The following GLB1L3 variants were observed in gnomAD, a reference collection of about 807,000 sequenced individuals.
The protein encoded by GLB1L3 is beta-galactosidase-1-like protein 3.
GLB1L3 carries 89 observed loss-of-function variants against 89.5 expected under a neutral mutation model. The ratio of observed to expected loss-of-function variants is 0.99; its 90% CI spans 0.84 to 1.19. GLB1L3 has a LOEUF of 1.19. Ranked by LOEUF, GLB1L3 falls within the 50% of genes most tolerant of loss-of-function variation. The probability of loss-of-function intolerance (pLI) is 0.00; values close to 1 mark genes in which losing one functional copy is unlikely to be tolerated. For missense variants in GLB1L3, 812 were observed against 813.3 expected (o/e 1.00, Z 0.02); for synonymous variants, 314 against 312.3 (o/e 1.01, Z -0.06).
upstream of GLB1L3, chr11:134,276,229 A>G (rs113887517): frequency 7.6e-3 from 1,157 of 152,736 alleles, 19 homozygotes; most frequent in Non-Finnish European, 6.9e-3. Flanking sequence ...TCGGGGAGCT[A>G]GAGTTCTCCG....
rs575850564 is a variant in GLB1L3 at position 134,295,992 on chromosome 11, T to C, written c.876+2783T>C. ...CAAGAACATACTTGTATAATTTCTG[T>C]TCTTTTACATTTGTTAAGGTTTGTT... is the stretch of plus-strand genomic sequence containing the variant. On this transcript the variant is annotated intron_variant, in intron 9 of 19. Coordinates refer to ENST00000431683, the MANE Select transcript of GLB1L3 (RefSeq NM_001080407.3). 1.2e-4 allele frequency among the ~76,000 whole-genome samples: 19 copies of C among 152,364 alleles called. No homozygotes were observed. The South Asian group carries it at 3.5e-3, about 28-fold the overall frequency.
chr11:134,312,550 C>T, intron 14 of GLB1L3, 61 bp downstream of exon 14: 1 of 1,580,856 alleles, frequency 6.3e-7, no homozygotes, highest in Non-Finnish European at 8.6e-7. Flanking sequence ...TGCTGTCGGG[C>T]AGGGTAGTTG....
intron 10 of GLB1L3, among the ~76,000 whole-genome samples, chr11:134,308,655 TCAC>T (rs1186746011): frequency 3.8e-5 from 4 of 105,582 alleles, no homozygotes; most frequent in East Asian, 3.2e-4. Context: ...ACCACCATCA[TCAC>T]CACCACCACC....
chr11:134,323,424 C>A (rs1002536356), downstream of GLB1L3, among the ~76,000 whole-genome samples: 1 of 141,282 alleles, frequency 7.1e-6, no homozygotes, highest in Admixed American at 7.1e-5. Context: ...CACACACACA[C>A]AATTAGTCGG....
intron 6 of GLB1L3, among the ~76,000 whole-genome samples, chr11:134,285,766 T>C (rs1485021157): frequency 6.6e-6 from 1 of 152,146 alleles, no homozygotes; most frequent in African/African-American, 2.4e-5. Context: ...AGCAAGACCT[T>C]GTCTCAAAAA....
intron 9 of GLB1L3, among the ~76,000 whole-genome samples, chr11:134,298,906 T>G (rs186741190): frequency 1.2e-4 from 18 of 152,310 alleles, no homozygotes; most frequent in African/African-American, 4.1e-4. Context: ...TATTAGATAT[T>G]TTCTCTGCTC....
At chr11:134,292,568 G>T in intron 8 of GLB1L3, 1 of 221,584 alleles carries the variant, frequency 4.5e-6, no homozygotes. Flanking sequence ...GGAAACCACA[G>T]GGAGAACCAG....
chr11:134,313,991 A>C lies in GLB1L3; in HGVS notation c.1630A>C (p.Ile544Leu), dbSNP rs747111824. The C allele has an allele frequency of 6.2e-7, 1 of 1,612,846 alleles. No homozygotes were observed. ...INNSSLEGFT[I>L]YSLEMKMSFF... ...TAACTCTTCCCTGGAGGGCTTTACC[A>C]TCTATTCCCTGGAGATGAAAATGAG... is the stretch of plus-strand genomic sequence containing the variant. The change falls in exon 17 of 20, where the codon ATC (isoleucine) becomes CTC (leucine). Residue 544 changes from isoleucine to leucine, a missense_variant. Physicochemically the swap from Ile to Leu is conservative, Grantham distance 5. Transcript: ENST00000431683.
At chr11:134,294,266 C>T (rs1273444219) in intron 9 of GLB1L3, among the ~76,000 whole-genome samples, 11 of 152,128 alleles carry the variant, frequency 7.2e-5, no homozygotes, top group Non-Finnish European at 1.5e-5. Flanking sequence ...TGGGGTTTCA[C>T]CACGTTGGCC....
At chr11:134,320,737 A>G (rs1943155638), downstream of GLB1L3, among the ~76,000 whole-genome samples, 1 of 134,184 alleles carries the variant, frequency 7.5e-6, no homozygotes, top group African/African-American at 3.0e-5. Context: ...TACAAGAAAA[A>G]CAAAAAAAAA....
chr11:134,277,622 G>C, intron 2 of GLB1L3, 78 bp from the exon 3 acceptor site: 1 of 1,530,316 alleles, frequency 6.5e-7, no homozygotes, highest in Admixed American at 1.9e-5. Context: ...TTTTCGCTAG[G>C]GTTTCAGCCG....
chr11:134,291,490 C>T (rs1941356452), intron 7 of GLB1L3, among the ~76,000 whole-genome samples: 1 of 152,160 alleles, frequency 6.6e-6, no homozygotes, highest in South Asian at 2.1e-4. Context: ...AAATGATCTG[C>T]CTGCCTTGAC....
At chr11:134,278,235 C>A (rs1393403408) in intron 3 of GLB1L3, among the ~76,000 whole-genome samples, 1 of 152,000 alleles carries the variant, frequency 6.6e-6, no homozygotes, top group African/African-American at 2.4e-5. Context: ...GGCACACTTA[C>A]AGATAAATAT....
intron 18 of GLB1L3, among the ~76,000 whole-genome samples, chr11:134,316,326 C>T (rs1472945295): frequency 6.6e-6 from 1 of 151,778 alleles, no homozygotes; most frequent in Non-Finnish European, 1.5e-5. Flanking sequence ...TATTTCATAT[C>T]AGTGCATTAT....
chr11:134,305,017 T>C (rs1942125968), intron 9 of GLB1L3: 3 of 1,370,832 alleles, frequency 2.2e-6, no homozygotes, highest in Admixed American at 4.4e-5. Flanking sequence ...CAATGTATCT[T>C]AGTGGCATAA....
intron 6 of GLB1L3, among the ~76,000 whole-genome samples, chr11:134,284,346 T>C (rs909498715): frequency 2.0e-5 from 3 of 151,812 alleles, no homozygotes; most frequent in Admixed American, 6.5e-5. Flanking sequence ...ATTTTTCTTT[T>C]GTTACTTGAA....
In GLB1L3 at chr11:134,311,047, C is replaced by T. The variant is rs750123547; in HGVS notation, c.1181-17C>T. The T allele has an allele frequency of 1.1e-5, 18 of 1,599,804 alleles. No individual in the cohort carries two copies. Among genetic ancestry groups the T allele is most frequent in the Middle Eastern group, 1.7e-4 (1 of 6,038 alleles). ...CATCTCAGGCACTTTTTGCCCTGTG[C>T]CCCATCTCCATTGCAGCAACTCCCC... On this transcript the variant is annotated splice_polypyrimidine_tract_variant and intron_variant, in intron 12 of 19. Transcript: ENST00000431683.
chr11:134,296,688 G>C (rs1941661430), intron 9 of GLB1L3, among the ~76,000 whole-genome samples: 1 of 113,842 alleles, frequency 8.8e-6, no homozygotes, highest in African/African-American at 3.5e-5. Context: ...TCTGGGGACT[G>C]TTGTGGGGTG....
chr11:134,308,407 CCACCACCACCATCAT>C (rs1942435787), intron 10 of GLB1L3, among the ~76,000 whole-genome samples: 4 of 78,148 alleles, frequency 5.1e-5, no homozygotes, highest in Non-Finnish European at 7.7e-5. Context: ...ATCACCATCA[CCACCACCACCATCAT>C]CACCATCACC....
Sources: allele counts gnomAD v4.1 joint callset (sites outside exome capture counted in the v4.1 genomes callset), GRCh38; gene constraint gnomAD v4.1.1; transcripts MANE v1.5; gene names NCBI Gene and HGNC (gene_info 2026-07-23, HGNC 2026-07-21).